Variants in HDLBP observed in about 807,000 individuals in gnomAD.
The protein encoded by HDLBP is high density lipoprotein binding protein.
A neutral mutation model predicts 137.3 loss-of-function variants in HDLBP; 30 were observed. That is an observed-to-expected ratio of 0.22 (90% CI 0.16 to 0.30). HDLBP has a LOEUF of 0.30. Among genes scored for constraint, HDLBP ranks in the 10% least tolerant of loss-of-function variants. HDLBP has a pLI of 1.00. For synonymous variants in HDLBP, 606 were observed against 596.0 expected (o/e 1.02, Z -0.24); for missense variants, 1,119 against 1,667.3 (o/e 0.67, Z 5.73).
intron 10 of HDLBP, 25 bp downstream of exon 10, chr2:241,253,368 C>G (rs2072353507): frequency 2.0e-6 from 3 of 1,485,634 alleles, no homozygotes; most frequent in Non-Finnish European, 2.8e-6. Flanking sequence ...CACCAGCACA[C>G]ACAACATTCC....
At chr2:241,248,197 C>G (rs2071829891) in intron 13 of HDLBP, 47 bp downstream of exon 13, 2 of 1,560,720 alleles carry the variant, frequency 1.3e-6, no homozygotes, top group African/African-American at 1.4e-5. Flanking sequence ...TGAAGTGTGA[C>G]TTGGATCACT....
rs943206866 is a variant in HDLBP at position 241,272,611 on chromosome 2, G to A, written c.-102-4070C>T. On this transcript the variant is annotated intron_variant, in intron 1 of 27. Transcript: ENST00000310931. The surrounding 1 kb of genome is among the most constrained non-coding windows in gnomAD (Gnocchi z 5.6). ...AGGACACCCGCGGGCGGGGGCCGCA[G>A]CCTGGGGCCCGGGTGGGGGCCGCGG... 105 of 982,032 alleles carry A rather than the reference G, an allele frequency of 1.1e-4. No homozygotes were observed. Among genetic ancestry groups the A allele is most frequent in the Non-Finnish European group, 1.2e-4 (101 of 828,062 alleles). 60.8% of individuals were successfully genotyped at this position (982,032 alleles called of 1,614,324 possible).
At chr2:241,269,107 T>C (rs1162870587) in intron 1 of HDLBP, 2 of 152,238 alleles carry the variant, frequency 1.3e-5, no homozygotes, top group Admixed American at 6.5e-5. Flanking sequence ...ACTGGGGATC[T>C]AGAAACCAGG....
At chr2:241,274,292 C>T (rs1451779567) in intron 1 of HDLBP, among the ~76,000 whole-genome samples, 5 of 152,168 alleles carry the variant, frequency 3.3e-5, no homozygotes, top group African/African-American at 1.2e-4. Context: ...AGGCAGAGAA[C>T]ACCTGCGGCT....
rs139790495 is a variant in HDLBP at position 241,229,369 on chromosome 2, C to T, written c.*232G>A. ...GGAGTCTGTTATCTTAGCACGAATG[C>T]TCATGACCTTGGTTTAGTGTTAAAC... On this transcript the variant is annotated 3_prime_UTR_variant, in exon 28 of 28. Coordinates refer to ENST00000310931, the MANE Select transcript of HDLBP (RefSeq NM_005336.6). 94 of 469,136 alleles carry T rather than the reference C, an allele frequency of 2.0e-4. No homozygotes were observed. The highest frequency in any genetic ancestry group is 1.5e-3 in the African/African-American group (78 of 50,576). 29.1% of individuals were successfully genotyped at this position (469,136 alleles called of 1,614,324 possible).
At chr2:241,252,049 C>T (rs1031256774) in intron 11 of HDLBP, among the ~76,000 whole-genome samples, 1 of 152,200 alleles carries the variant, frequency 6.6e-6, no homozygotes, top group Non-Finnish European at 1.5e-5. Flanking sequence ...TAACAGCATC[C>T]TGTAACTGTG....
chr2:241,288,194 C>CTG (rs1340645174), intron 1 of HDLBP, among the ~76,000 whole-genome samples: 1 of 152,216 alleles, frequency 6.6e-6, no homozygotes, highest in African/African-American at 2.4e-5. Flanking sequence ...ATTTTCTCTG[C>CTG]TGTGCTATTC....
chr2:241,254,763 T>G (rs941545682), intron 9 of HDLBP, among the ~76,000 whole-genome samples: 3 of 152,172 alleles, frequency 2.0e-5, no homozygotes, highest in African/African-American at 4.8e-5. Flanking sequence ...TGAAGTTATT[T>G]CACCATAATT....
intron 16 of HDLBP, among the ~76,000 whole-genome samples, chr2:241,246,280 G>A (rs930698713): frequency 3.9e-5 from 6 of 152,098 alleles, no homozygotes; most frequent in Non-Finnish European, 8.8e-5. Context: ...GGGGTGGGGG[G>A]AGTGTGGTTT....
At chr2:241,311,275 C>A (rs930511531) in intron 1 of HDLBP, among the ~76,000 whole-genome samples, 1 of 152,212 alleles carries the variant, frequency 6.6e-6, no homozygotes, top group Non-Finnish European at 1.5e-5. Flanking sequence ...AACTTAGAGA[C>A]CGCGGAGCAA....
intron 1 of HDLBP, among the ~76,000 whole-genome samples, chr2:241,274,143 G>A (rs567297204): frequency 6.6e-6 from 1 of 152,344 alleles, no homozygotes; most frequent in African/African-American, 2.4e-5. Flanking sequence ...GGATGGATAA[G>A]GGGGTGTGAT....
At chr2:241,294,172 C>T (rs992749708) in intron 1 of HDLBP, among the ~76,000 whole-genome samples, 1 of 152,098 alleles carries the variant, frequency 6.6e-6, no homozygotes, top group African/African-American at 2.4e-5. Context: ...CTCACGGGTG[C>T]CACGAATTAT....
chr2:241,285,866 A>G (rs528755498), intron 1 of HDLBP, among the ~76,000 whole-genome samples: 2 of 152,212 alleles, frequency 1.3e-5, no homozygotes, highest in Non-Finnish European at 2.9e-5. Flanking sequence ...TCATTTCTTA[A>G]AAAAATAAAA....
Position 241,306,830 on chromosome 2 carries a change from G to A in HDLBP, c.-103+8740C>T, listed in dbSNP as rs912230797. ...CCGGGAGGCGGAAGTTGCAGTGAGC[G>A]GAGATCATGCTGTCATACTCCAGCC... On this transcript the variant is annotated intron_variant, in intron 1 of 27. Coordinates refer to ENST00000310931, the MANE Select transcript of HDLBP (RefSeq NM_005336.6). Among the ~76,000 whole-genome samples the A allele has an allele frequency of 7.9e-5, 12 of 151,120 alleles. No homozygotes were observed. In the South Asian group the frequency reaches 1.3e-3, roughly 16 times the overall value.
intron 1 of HDLBP, among the ~76,000 whole-genome samples, chr2:241,274,381 TC>T (rs1279475533): frequency 1.3e-5 from 2 of 152,232 alleles, no homozygotes; most frequent in Admixed American, 1.3e-4. Flanking sequence ...CAGGTGGGCC[TC>T]CCTAGATGTG....
In HDLBP at chr2:241,238,523, C is replaced by T; in HGVS notation, c.2749+126G>A. The T allele has an allele frequency of 1.3e-6, 1 of 753,310 alleles. No individual in the cohort carries two copies. Among genetic ancestry groups the T allele is most frequent in the Non-Finnish European group, 2.0e-6 (1 of 493,096 alleles). 46.7% of individuals were successfully genotyped at this position (753,310 alleles called of 1,614,324 possible). Reference sequence around the variant, plus strand: ...GAGTGACCCTGAACCTCTGGAAGCCCCCAGAATACATAGATGGTTTTCCAG... The same window carrying T: ...GAGTGACCCTGAACCTCTGGAAGCCTCCAGAATACATAGATGGTTTTCCAG... On this transcript the variant is annotated intron_variant, in intron 20 of 27. Coordinates refer to ENST00000310931, the MANE Select transcript of HDLBP (RefSeq NM_005336.6). The surrounding 1 kb of genome is among the most constrained non-coding windows in gnomAD (Gnocchi z 4.9).
chr2:241,251,645 G>C (rs143594174), intron 11 of HDLBP, among the ~76,000 whole-genome samples: 1 of 152,214 alleles, frequency 6.6e-6, no homozygotes, highest in Non-Finnish European at 1.5e-5. Context: ...ACGCGAGTGT[G>C]TGAGTATAGC....
At position 241,267,609 on chromosome 2, in the gene HDLBP, T is replaced by A. The variant is rs116445550; in HGVS notation, c.-37-703A>T. 6.4e-3 allele frequency: 9,758 copies of A among 1,535,676 alleles called. 40 individuals carry two copies. Among genetic ancestry groups the A allele is most frequent in the Non-Finnish European group, 7.7e-3 (8,884 of 1,146,874 alleles). ...ATGCTTACAAAATGCATCATGACAG[T>A]TGCTACAAAAAGCCAGCGGTCTCTC... On this transcript the variant is annotated intron_variant, in intron 2 of 27. Transcript: ENST00000310931.
At position 241,299,610 on chromosome 2, in the gene HDLBP, T is replaced by A. The variant is rs889782508; in HGVS notation, c.-103+15960A>T. Among the ~76,000 whole-genome samples the A allele has an allele frequency of 3.4e-5, 5 of 148,172 alleles. No homozygotes were observed. The Admixed American group carries it at 3.4e-4, about 10-fold the overall frequency. On this transcript the variant is annotated intron_variant, in intron 1 of 27. Coordinates refer to ENST00000310931, the MANE Select transcript of HDLBP (RefSeq NM_005336.6). ...TGGCAGATAACACTGACCATTCCAG[T>A]TCAAAGTCAAAACCCAAATTTTGGG...
Sources: allele counts gnomAD v4.1 joint callset (sites outside exome capture counted in the v4.1 genomes callset), GRCh38; gene constraint gnomAD v4.1.1; non-coding constraint Gnocchi (gnomAD v3.1); transcripts MANE v1.5; gene names NCBI Gene and HGNC (gene_info 2026-07-23, HGNC 2026-07-21).